The following BICC1 variants were observed in gnomAD, a reference collection of about 807,000 sequenced individuals.
BICC1 encodes the protein BicC family RNA binding protein 1, also known as protein bicaudal C homolog 1.
BICC1 carries 43 observed loss-of-function variants against 111.0 expected under a neutral mutation model. The observed-to-expected ratio is 0.39, with a 90% CI of 0.30 to 0.50. The LOEUF (loss-of-function observed/expected upper bound fraction) is 0.50, where lower values mean the gene tolerates loss of function less well. Ranked by LOEUF, BICC1 falls within the 20% of genes least tolerant of loss-of-function variation. The pLI is 0.88. For synonymous variants in BICC1, 467 were observed against 434.4 expected (o/e 1.07, Z -0.93); for missense variants, 1,091 against 1,203.2 (o/e 0.91, Z 1.38).
At chr10:58,689,666 A>G (rs1158211391) in intron 2 of BICC1, among the ~76,000 whole-genome samples, 2 of 152,210 alleles carry the variant, frequency 1.3e-5, no homozygotes, top group East Asian at 1.9e-4. Flanking sequence ...TTGTAGTAGT[A>G]CAGACCTGGC....
chr10:58,518,837 G>A (rs1842315089), intron 1 of BICC1, among the ~76,000 whole-genome samples: 1 of 152,158 alleles, frequency 6.6e-6, no homozygotes, highest in Admixed American at 6.5e-5. Context: ...AGGATGCACT[G>A]AGAGGGGCAG....
intron 20 of BICC1, 74 bp downstream of exon 20, chr10:58,820,542 T>A (rs1455109860): frequency 5.4e-6 from 6 of 1,105,838 alleles, no homozygotes; most frequent in Non-Finnish European, 8.2e-6. Context: ...TTGGGTTGTT[T>A]CTACCCATTA....
At chr10:58,537,929 T>C (rs1842864181) in intron 1 of BICC1, among the ~76,000 whole-genome samples, 1 of 151,862 alleles carries the variant, frequency 6.6e-6, no homozygotes, top group Admixed American at 6.6e-5. Flanking sequence ...GTGAAACATC[T>C]GTACAAGGAG....
intron 3 of BICC1, among the ~76,000 whole-genome samples, chr10:58,723,030 CTG>C (rs1289106861): frequency 6.6e-6 from 1 of 152,176 alleles, no homozygotes; most frequent in Non-Finnish European, 1.5e-5. Context: ...ATTGAAATAA[CTG>C]ATTTCAATTT....
At chr10:58,726,551 A>C (rs1260629791) in intron 3 of BICC1, among the ~76,000 whole-genome samples, 1 of 152,190 alleles carries the variant, frequency 6.6e-6, no homozygotes, top group Non-Finnish European at 1.5e-5. Context: ...TTGTATACTC[A>C]AGTATCACAT....
chr10:58,740,719 C>T (rs1841633141), intron 3 of BICC1, among the ~76,000 whole-genome samples: 1 of 152,142 alleles, frequency 6.6e-6, no homozygotes, highest in Admixed American at 6.5e-5. Context: ...TCATGGGAGT[C>T]CACATGAGGA....
At chr10:58,529,265 A>T (rs1842621286) in intron 1 of BICC1, among the ~76,000 whole-genome samples, 1 of 151,918 alleles carries the variant, frequency 6.6e-6, no homozygotes, top group Non-Finnish European at 1.5e-5. Context: ...GATATCTAGC[A>T]TCTAAACCAC....
At chr10:58,705,171 G>C (rs1482584289) in intron 3 of BICC1, among the ~76,000 whole-genome samples, 1 of 152,132 alleles carries the variant, frequency 6.6e-6, no homozygotes, top group Non-Finnish European at 1.5e-5. Flanking sequence ...CTGGTACTGG[G>C]AGCTGCTATA....
chr10:58,657,808 A>AT lies in BICC1; in HGVS notation c.237+36916dup, dbSNP rs58739782. 5.0e-4 allele frequency among the ~76,000 whole-genome samples: 76 copies of AT among 152,036 alleles called. 1 individual carries two copies. The highest frequency in any genetic ancestry group is 1.8e-3 in the African/African-American group (74 of 41,462). Reference sequence around the variant, plus strand: ...CAATTGATATATAAAGATCACTCATATTTTTTTTTCTTCTTGCTGCATATT... The same window carrying AT: ...CAATTGATATATAAAGATCACTCATATTTTTTTTTTCTTCTTGCTGCATATT... On this transcript the variant is annotated intron_variant, in intron 2 of 20. Transcript: ENST00000373886.
rs555800079 is a variant in BICC1, at chr10:58,535,854, A to G, written c.190+22521A>G. On this transcript the variant is annotated intron_variant, in intron 1 of 20. Coordinates refer to ENST00000373886, the MANE Select transcript of BICC1 (RefSeq NM_001080512.3). ...AGACACATCTAACACAAGGATTCTT[A>G]TAGACCCAAGGGAAAAGGGTGGAAA... Among the ~76,000 whole-genome samples the G allele has an allele frequency of 7.8e-4, 119 of 151,710 alleles. 3 individuals carry two copies. The South Asian group carries it at 0.023, about 29-fold the overall frequency.
At chr10:58,817,313 A>C (rs575174618) in intron 18 of BICC1, among the ~76,000 whole-genome samples, 2 of 152,274 alleles carry the variant, frequency 1.3e-5, no homozygotes, top group South Asian at 4.2e-4. Flanking sequence ...TTAACTACAG[A>C]GGCACTGTTG....
Position 58,715,609 on chromosome 10 carries a change from C to T in BICC1, c.307+13466C>T, listed in dbSNP as rs1302828251. 21 of 1,605,206 alleles carry T rather than the reference C, an allele frequency of 1.3e-5. No homozygotes were observed. The East Asian group carries it at 4.7e-4, about 36-fold the overall frequency. ...ATGCACCCAATAGCAATGGCGAGAT[C>T]AAGGGGTCCAATCCAGTCTTCAGGG... On this transcript the variant is annotated intron_variant, in intron 3 of 20. Coordinates refer to ENST00000373886, the MANE Select transcript of BICC1 (RefSeq NM_001080512.3).
chr10:58,583,267 G>T (rs933917937), intron 1 of BICC1, among the ~76,000 whole-genome samples: 2 of 151,912 alleles, frequency 1.3e-5, no homozygotes, highest in Non-Finnish European at 2.9e-5. Context: ...GGGAACCTTG[G>T]TGACATTTGG....
intron 1 of BICC1, among the ~76,000 whole-genome samples, chr10:58,558,519 G>A (rs1005965046): frequency 6.6e-6 from 1 of 152,006 alleles, no homozygotes; most frequent in African/African-American, 2.4e-5. Context: ...CTTGTTCGGT[G>A]TAAAACCACT....
At chr10:58,632,848 T>C (rs982792870) in intron 2 of BICC1, among the ~76,000 whole-genome samples, 15 of 141,606 alleles carry the variant, frequency 1.1e-4, no homozygotes, top group African/African-American at 3.5e-4. Flanking sequence ...TTTACATAGA[T>C]AGATAGATAG....
At chr10:58,647,877 T>C (rs1229560976) in intron 2 of BICC1, among the ~76,000 whole-genome samples, 1 of 152,218 alleles carries the variant, frequency 6.6e-6, no homozygotes, top group East Asian at 1.9e-4. Context: ...TGTTTAGCTG[T>C]GACCAGAATT....
chr10:58,629,446 A>G (rs1218624451), intron 2 of BICC1, among the ~76,000 whole-genome samples: 1 of 152,160 alleles, frequency 6.6e-6, no homozygotes, highest in Non-Finnish European at 1.5e-5. Flanking sequence ...TCATGCCCAC[A>G]TTAATGGGCT....
At chr10:58,717,600 A>G (rs759111109) in intron 3 of BICC1, among the ~76,000 whole-genome samples, 2 of 152,248 alleles carry the variant, frequency 1.3e-5, no homozygotes, top group Non-Finnish European at 2.9e-5. Flanking sequence ...TTGTAGCTGC[A>G]TGAAATACCA....
intron 2 of BICC1, among the ~76,000 whole-genome samples, chr10:58,667,468 TA>T (rs58637737): frequency 1 from 152,148 of 152,154 alleles, 76,071 homozygotes; most frequent in Middle Eastern, 1. Flanking sequence ...GTTTTAACCT[TA>T]ATTCTCAGGG....
Sources: gnomAD v4.1 joint callset for allele counts (sites outside exome capture counted in the v4.1 genomes callset) on GRCh38, gnomAD v4.1.1 for gene constraint, MANE v1.5 for transcripts, NCBI Gene and HGNC (gene_info 2026-07-23, HGNC 2026-07-21) for gene names.